ADAM12: variants seen among roughly 807,000 people sequenced by gnomAD.
ADAM12 encodes disintegrin and metalloproteinase domain-containing protein 12.
ADAM12 carries 70 observed loss-of-function variants against 106.4 expected under a neutral mutation model. That is an observed-to-expected ratio of 0.66 (90% CI 0.54 to 0.80). The LOEUF (loss-of-function observed/expected upper bound fraction) is 0.80. ADAM12 is among the 30% of genes least tolerant of loss of function. ADAM12 has a pLI of 0.00. For synonymous variants in ADAM12, 420 were observed against 433.5 expected (o/e 0.97, Z 0.39); for missense variants, 1,010 against 1,171.9 (o/e 0.86, Z 2.02).
At chr10:126,323,206 T>A (rs1381329603) in intron 2 of ADAM12, among the ~76,000 whole-genome samples, 3 of 152,248 alleles carry the variant, frequency 2.0e-5, no homozygotes, top group Non-Finnish European at 4.4e-5. Flanking sequence ...TTCCTAAGTC[T>A]GAAAGGCTAA....
At chr10:126,178,993 G>A (rs1249785376) in intron 3 of ADAM12, among the ~76,000 whole-genome samples, 1 of 151,988 alleles carries the variant, frequency 6.6e-6, no homozygotes, top group East Asian at 1.9e-4. Flanking sequence ...GCTGCGGTGA[G>A]CCAAGATTGT....
At chr10:126,019,046 T>A (rs1953710921) in intron 22 of ADAM12, among the ~76,000 whole-genome samples, 1 of 152,132 alleles carries the variant, frequency 6.6e-6, no homozygotes. Flanking sequence ...TTGTGGGAGG[T>A]GACTAGATCC....
chr10:126,117,561 C>T (rs762442985), intron 6 of ADAM12, among the ~76,000 whole-genome samples: 2 of 152,068 alleles, frequency 1.3e-5, no homozygotes, highest in Non-Finnish European at 2.9e-5. Flanking sequence ...GAATTCTCTG[C>T]AAATTATAAG....
At chr10:126,032,204 C>T (rs1458671898) in intron 21 of ADAM12, among the ~76,000 whole-genome samples, 3 of 152,178 alleles carry the variant, frequency 2.0e-5, no homozygotes, top group South Asian at 4.1e-4. Flanking sequence ...AGCTGTGTGT[C>T]ACGTTGTCCT....
intron 1 of ADAM12, among the ~76,000 whole-genome samples, chr10:126,359,154 A>G (rs2133900082): frequency 6.6e-6 from 1 of 152,292 alleles, no homozygotes; most frequent in South Asian, 2.1e-4. Context: ...TGCACCCATG[A>G]TTCAATTACC....
At chr10:126,083,230 A>T (rs1243885734) in intron 11 of ADAM12, among the ~76,000 whole-genome samples, 2 of 152,230 alleles carry the variant, frequency 1.3e-5, no homozygotes, top group South Asian at 2.1e-4. Context: ...CTGGGAGCCA[A>T]TTATGACTCC....
At chr10:126,275,532 T>C (rs907495669) in intron 3 of ADAM12, among the ~76,000 whole-genome samples, 5 of 152,222 alleles carry the variant, frequency 3.3e-5, no homozygotes. Flanking sequence ...TTGAGTAGGA[T>C]TAATTAGATG....
intron 8 of ADAM12, among the ~76,000 whole-genome samples, chr10:126,107,059 C>G (rs1955785661): frequency 6.6e-6 from 1 of 152,182 alleles, no homozygotes; most frequent in Non-Finnish European, 1.5e-5. Context: ...CATGCATGTA[C>G]ACAAACACAC....
intron 2 of ADAM12, among the ~76,000 whole-genome samples, chr10:126,293,047 G>A (rs1243562330): frequency 6.6e-6 from 1 of 152,184 alleles, no homozygotes; most frequent in Admixed American, 6.5e-5. Context: ...CCACATTGCA[G>A]AACCATTGTT....
chr10:126,140,920 A>C (rs999221054), intron 4 of ADAM12, among the ~76,000 whole-genome samples: 5 of 152,154 alleles, frequency 3.3e-5, no homozygotes, highest in African/African-American at 4.8e-5. Context: ...GCCAGTGACA[A>C]AGGCAGAGAG....
chr10:126,312,449 T>G (rs1961150282), intron 2 of ADAM12, among the ~76,000 whole-genome samples: 2 of 152,094 alleles, frequency 1.3e-5, no homozygotes, highest in Non-Finnish European at 2.9e-5. Context: ...TTGTCTCCCT[T>G]CAACAAACCA....
chr10:126,170,795 G>C (rs1668407794), intron 3 of ADAM12, among the ~76,000 whole-genome samples: 1 of 152,210 alleles, frequency 6.6e-6, no homozygotes. Flanking sequence ...TAATACCCAT[G>C]CTGAATATTT....
At chr10:126,142,932 A>C (rs12761170) in intron 4 of ADAM12, among the ~76,000 whole-genome samples, 1 of 151,712 alleles carries the variant, frequency 6.6e-6, no homozygotes, top group Non-Finnish European at 1.5e-5. Context: ...TATGGGGTGC[A>C]TGGGTGTGCA....
At chr10:126,376,019 A>AT (rs929522754) in intron 1 of ADAM12, among the ~76,000 whole-genome samples, 3 of 147,100 alleles carry the variant, frequency 2.0e-5, no homozygotes, top group African/African-American at 7.5e-5. Context: ...AAGTGCTGAG[A>AT]TTACAGGTAT....
chr10:126,348,169 T>C (rs1855218181), intron 1 of ADAM12, among the ~76,000 whole-genome samples: 1 of 152,236 alleles, frequency 6.6e-6, no homozygotes, highest in Admixed American at 6.5e-5. Flanking sequence ...CTCTTCTGAA[T>C]GTCAGTAGCC....
chr10:126,079,279 TC>T (rs1955164651), intron 11 of ADAM12, among the ~76,000 whole-genome samples: 2 of 151,710 alleles, frequency 1.3e-5, no homozygotes, highest in South Asian at 4.2e-4. Context: ...CTGCAGAACT[TC>T]CCCCCACCCC....
chr10:126,174,163 T>G (rs1957174536), intron 3 of ADAM12, among the ~76,000 whole-genome samples: 2 of 151,552 alleles, frequency 1.3e-5, no homozygotes, highest in Admixed American at 1.3e-4. Context: ...TTATTCCATT[T>G]GCTTTATACG....
chr10:126,365,807 CA>C (rs1478350904), intron 1 of ADAM12, among the ~76,000 whole-genome samples: 1 of 152,160 alleles, frequency 6.6e-6, no homozygotes, highest in Non-Finnish European at 1.5e-5. Context: ...GGGACACAGC[CA>C]AACCATATCA....
At chr10:126,364,401 G>C (rs889329497) in intron 1 of ADAM12, among the ~76,000 whole-genome samples, 13 of 152,084 alleles carry the variant, frequency 8.5e-5, no homozygotes, top group Admixed American at 6.6e-5. Context: ...GATATGATTA[G>C]TTACCTAGGA....
Sources: allele counts gnomAD v4.1 joint callset (sites outside exome capture counted in the v4.1 genomes callset), GRCh38; gene constraint gnomAD v4.1.1; transcripts MANE v1.5; gene names NCBI Gene and HGNC (gene_info 2026-07-23, HGNC 2026-07-21).